Variants in ASTN1 observed in about 807,000 individuals in gnomAD.
The protein encoded by ASTN1 is astrotactin-1.
ASTN1 carries 41 observed loss-of-function variants against 140.7 expected under a neutral mutation model. The observed-to-expected ratio is 0.29, with a 90% CI of 0.23 to 0.38. ASTN1 has a LOEUF of 0.38. Ranked by LOEUF, ASTN1 falls within the 10% of genes least tolerant of loss-of-function variation. The pLI, the probability that ASTN1 is intolerant of heterozygous loss-of-function variation, is 1.00. For missense variants in ASTN1, 1,479 were observed against 1,678.8 expected (o/e 0.88, Z 2.08); for synonymous variants, 640 against 652.2 (o/e 0.98, Z 0.29).
rs1022552684 is a variant in ASTN1 at position 177,164,442 on chromosome 1, C to T, written c.235G>A (p.Val79Ile). 2.5e-6 allele frequency: 4 copies of T among 1,613,418 alleles called. No individual in the cohort carries two copies. In the African/African-American group the frequency reaches 5.3e-5, roughly 22 times the overall value. Residue 79 changes from valine (V) to isoleucine (I), a missense_variant, in exon 1 of 23, where the codon GTC becomes ATC. Physicochemically the swap from Val to Ile is conservative, Grantham distance 29 (BLOSUM62 3). Transcript: ENST00000361833. ...GTGTTCTCCAGGTCGTCCACCACGACCATTTCTCCCGGGAAGTCGTTGCGC... is the reference window on the plus strand; with the variant it reads ...GTGTTCTCCAGGTCGTCCACCACGATCATTTCTCCCGGGAAGTCGTTGCGC... Reference protein sequence around the residue: ...SVRNDFPGEMVVVDDLENTEL... With the variant: ...SVRNDFPGEMIVVDDLENTEL...
In ASTN1 at chr1:177,038,205, G is replaced by A. The variant is rs1676815965; in HGVS notation, c.472-5356C>T. 4.6e-5 allele frequency among the ~76,000 whole-genome samples: 7 copies of A among 152,304 alleles called. No individual in the cohort carries two copies. In the South Asian group the frequency reaches 1.5e-3, roughly 32 times the overall value. On this transcript the variant is annotated intron_variant, in intron 2 of 22. Coordinates refer to ENST00000361833, the MANE Select transcript of ASTN1 (RefSeq NM_004319.3). Reference sequence around the variant, plus strand: ...AACTCCTACTCATCCTTCAAAGTCAGTTCAGTGACACGACTTCAGCTAACC... The same window carrying A: ...AACTCCTACTCATCCTTCAAAGTCAATTCAGTGACACGACTTCAGCTAACC...
intron 1 of ASTN1, among the ~76,000 whole-genome samples, chr1:177,121,000 G>C (rs1434932757): frequency 6.6e-6 from 1 of 152,056 alleles, no homozygotes; most frequent in Non-Finnish European, 1.5e-5. Flanking sequence ...TTCATCCTAG[G>C]GAAATCAGAT....
chr1:177,091,533 CA>C (rs2102104235), intron 1 of ASTN1, among the ~76,000 whole-genome samples: 1 of 151,870 alleles, frequency 6.6e-6, no homozygotes, highest in South Asian at 2.1e-4. Context: ...TTATGATAAA[CA>C]TGTCTTTTTA....
At chr1:176,920,798 C>T (rs1184640706) in intron 16 of ASTN1, among the ~76,000 whole-genome samples, 1 of 152,220 alleles carries the variant, frequency 6.6e-6, no homozygotes. Context: ...TTCCTAGTAC[C>T]TAACACTGTG....
intron 1 of ASTN1, among the ~76,000 whole-genome samples, chr1:177,107,709 C>T (rs1374993501): frequency 6.6e-6 from 1 of 152,200 alleles, no homozygotes; most frequent in East Asian, 1.9e-4. Flanking sequence ...ACCTCTTAGA[C>T]CTAAGTCTGG....
At chr1:176,902,632 C>G (rs140707327) in intron 16 of ASTN1, among the ~76,000 whole-genome samples, 1 of 152,082 alleles carries the variant, frequency 6.6e-6, no homozygotes, top group Non-Finnish European at 1.5e-5. Flanking sequence ...AACAGCCTCC[C>G]GTATGCTTCT....
chr1:176,863,767 A>G lies in ASTN1; in HGVS notation c.*517T>C, dbSNP rs1049605231. 2 of 987,136 alleles carry G rather than the reference A, an allele frequency of 2.0e-6. No individual in the cohort carries two copies. Among genetic ancestry groups the G allele is most frequent in the African/African-American group, 1.7e-5 (1 of 57,230 alleles). 61.1% of individuals were successfully genotyped at this position (987,136 alleles called of 1,614,324 possible). Reference sequence around the variant, plus strand: ...ACACAGACAAGGGCCACCTTCCTCAATTTTCTATTGTCTCTCTCTGTGAGC... The same window carrying G: ...ACACAGACAAGGGCCACCTTCCTCAGTTTTCTATTGTCTCTCTCTGTGAGC... On this transcript the variant is annotated 3_prime_UTR_variant, in exon 23 of 23. Transcript: ENST00000361833.
chr1:177,124,590 T>C (rs990564105), intron 1 of ASTN1, among the ~76,000 whole-genome samples: 1 of 152,186 alleles, frequency 6.6e-6, no homozygotes, highest in African/African-American at 2.4e-5. Flanking sequence ...GTATATCGCC[T>C]GAAGCATTTT....
At chr1:176,902,768 A>C (rs1162103054) in intron 16 of ASTN1, among the ~76,000 whole-genome samples, 9 of 152,212 alleles carry the variant, frequency 5.9e-5, no homozygotes, top group Admixed American at 2.0e-4. Context: ...CTGTGACCCC[A>C]ATTGCATCCC....
intron 21 of ASTN1, among the ~76,000 whole-genome samples, chr1:176,873,994 T>C (rs1668460339): frequency 1.3e-5 from 2 of 152,164 alleles, no homozygotes; most frequent in South Asian, 4.1e-4. Flanking sequence ...TCCATCCCTG[T>C]AGGTAGCATC....
At chr1:176,960,636 A>AGAG (rs1672618725) in intron 9 of ASTN1, among the ~76,000 whole-genome samples, 1 of 152,216 alleles carries the variant, frequency 6.6e-6, no homozygotes, top group Admixed American at 6.5e-5. Flanking sequence ...TACAGAATAA[A>AGAG]GTCCCAGCCT....
intron 1 of ASTN1, among the ~76,000 whole-genome samples, chr1:177,070,198 G>C (rs1678568806): frequency 6.6e-6 from 1 of 152,142 alleles, no homozygotes; most frequent in African/African-American, 2.4e-5. Context: ...GATGTGTTGG[G>C]AGCAACATGG....
intron 1 of ASTN1, among the ~76,000 whole-genome samples, chr1:177,101,524 A>T (rs1362675419): frequency 6.6e-6 from 1 of 152,170 alleles, no homozygotes; most frequent in Non-Finnish European, 1.5e-5. Flanking sequence ...TATGGTGTTC[A>T]AGTTACTGGT....
intron 2 of ASTN1, among the ~76,000 whole-genome samples, chr1:177,055,208 T>A (rs555401697): frequency 1.3e-5 from 2 of 152,320 alleles, no homozygotes; most frequent in South Asian, 4.1e-4. Flanking sequence ...ATCCAGCGTG[T>A]CTTTCTGCTA....
intron 1 of ASTN1, among the ~76,000 whole-genome samples, chr1:177,129,364 G>T (rs1681829022): frequency 6.6e-6 from 1 of 152,182 alleles, no homozygotes; most frequent in Admixed American, 6.5e-5. Flanking sequence ...AAGGCTTGGG[G>T]AGGTGAAATG....
At chr1:177,150,451 AAGC>A (rs780674194) in intron 1 of ASTN1, among the ~76,000 whole-genome samples, 1 of 152,170 alleles carries the variant, frequency 6.6e-6, no homozygotes, top group Non-Finnish European at 1.5e-5. Context: ...TAATGACAAG[AAGC>A]AGCACTGAAA....
chr1:176,915,118 T>TTACA (rs1670425478), intron 16 of ASTN1, among the ~76,000 whole-genome samples: 1 of 152,170 alleles, frequency 6.6e-6, no homozygotes, highest in Admixed American at 6.5e-5. Flanking sequence ...GGAAAAAATA[T>TTACA]AGCATACAGT....
At chr1:177,008,967 G>C (rs936697396) in intron 8 of ASTN1, among the ~76,000 whole-genome samples, 9 of 152,176 alleles carry the variant, frequency 5.9e-5, no homozygotes, top group African/African-American at 2.2e-4. Flanking sequence ...GATGGGAGAA[G>C]TAACAGCCAG....
chr1:176,903,453 C>A (rs931128007), intron 16 of ASTN1, among the ~76,000 whole-genome samples: 2 of 152,158 alleles, frequency 1.3e-5, no homozygotes, highest in South Asian at 4.1e-4. Context: ...ACTCCCAGGG[C>A]GAAGTGAGGA....
Sources: gnomAD v4.1 joint callset for allele counts (sites outside exome capture counted in the v4.1 genomes callset) on GRCh38, gnomAD v4.1.1 for gene constraint, MANE v1.5 for transcripts, NCBI Gene and HGNC (gene_info 2026-07-23, HGNC 2026-07-21) for gene names.